NCKAP5: variants seen among roughly 807,000 people sequenced by gnomAD.
The protein encoded by NCKAP5 is nck-associated protein 5.
A neutral mutation model predicts 167.0 loss-of-function variants in NCKAP5; 92 were observed. The ratio of observed to expected loss-of-function variants is 0.55; its 90% confidence interval spans 0.47 to 0.66. The LOEUF is 0.66. Among genes scored for constraint, NCKAP5 ranks in the 30% least tolerant of loss-of-function variants. The probability of loss-of-function intolerance (pLI) is 0.00; values close to 1 mark genes in which losing one functional copy is unlikely to be tolerated. For missense variants in NCKAP5, 2,378 were observed against 2,315.0 expected (o/e 1.03, Z -0.56); for synonymous variants, 891 against 877.4 (o/e 1.02, Z -0.27).
intron 2 of NCKAP5, among the ~76,000 whole-genome samples, chr2:133,533,692 A>G (rs930055241): frequency 7.9e-5 from 12 of 152,242 alleles, no homozygotes; most frequent in East Asian, 7.7e-4. Context: ...AGCAATTATC[A>G]TAAGTTATAG....
chr2:132,935,024 T>C (rs1053124168), intron 8 of NCKAP5, among the ~76,000 whole-genome samples: 1 of 152,200 alleles, frequency 6.6e-6, no homozygotes, highest in Non-Finnish European at 1.5e-5. Flanking sequence ...AATCAGTACA[T>C]GGCTTTTTTC....
intron 11 of NCKAP5, among the ~76,000 whole-genome samples, chr2:132,828,876 C>T (rs1687320391): frequency 1.3e-5 from 2 of 152,132 alleles, no homozygotes; most frequent in Admixed American, 6.5e-5. Flanking sequence ...CCCAATACAC[C>T]CATTGCCTTC....
At chr2:132,957,944 T>C (rs2076390857) in intron 8 of NCKAP5, among the ~76,000 whole-genome samples, 1 of 152,212 alleles carries the variant, frequency 6.6e-6, no homozygotes, top group Non-Finnish European at 1.5e-5. Flanking sequence ...TACACGGCTC[T>C]CTATACTCCG....
At chr2:132,837,990 A>C (rs902213288) in intron 11 of NCKAP5, among the ~76,000 whole-genome samples, 1 of 152,176 alleles carries the variant, frequency 6.6e-6, no homozygotes, top group African/African-American at 2.4e-5. Flanking sequence ...GGGCAGCATG[A>C]ATACTTAAGC....
intron 3 of NCKAP5, among the ~76,000 whole-genome samples, chr2:133,408,358 T>C (rs993630408): frequency 1.3e-5 from 2 of 152,198 alleles, no homozygotes; most frequent in Non-Finnish European, 2.9e-5. Flanking sequence ...ATATGTTTTT[T>C]CAACTCTCTC....
intron 5 of NCKAP5, among the ~76,000 whole-genome samples, chr2:133,165,897 A>G (rs2083979813): frequency 6.6e-6 from 1 of 152,206 alleles, no homozygotes; most frequent in African/African-American, 2.4e-5. Context: ...TACAAAGATT[A>G]TATTATTTTT....
intron 7 of NCKAP5, among the ~76,000 whole-genome samples, chr2:132,965,668 A>G (rs979922594): frequency 1.3e-5 from 2 of 152,182 alleles, no homozygotes; most frequent in African/African-American, 4.8e-5. Flanking sequence ...TTGTGTAAAC[A>G]TCATAGAGTG....
At chr2:132,743,738 T>C (rs1254639893) in intron 16 of NCKAP5, among the ~76,000 whole-genome samples, 1 of 151,628 alleles carries the variant, frequency 6.6e-6, no homozygotes, top group Non-Finnish European at 1.5e-5. Context: ...AGGCTGAGAT[T>C]GTCAGATTGG....
At chr2:133,478,309 C>T (rs13423251) in intron 3 of NCKAP5, among the ~76,000 whole-genome samples, 31,355 of 152,090 alleles carry the variant, frequency 0.21, 5,251 homozygotes, top group African/African-American at 0.46. Context: ...TTTCTTTGCA[C>T]TTTTCCTAGC....
Position 132,773,886 on chromosome 2 carries a change from C to G in NCKAP5, c.5058G>C (p.Glu1686Asp). ...CATCCTCTTGCAAGTTTTCATTTGC[C>G]TCTTTTACCTGCAGGAAGAAGAAAA... ...MEVPKDSLVK[E>D]ANENLQEDED... Residue 1686 changes from glutamate (E) to aspartate (D), a missense_variant, in exon 16 of 20, where the codon GAG (glutamate) becomes GAC (aspartate). Glu to Asp is a conservative substitution (Grantham distance 45). Around this residue, in one of 3 missense-constraint regions of NCKAP5, gnomAD observed 1,325 missense variants for 1,274.5 expected, o/e 1.04. Transcript: ENST00000409261. 1.2e-6 allele frequency: 2 copies of G among 1,608,496 alleles called. No individual in the cohort carries two copies. The highest frequency in any genetic ancestry group is 1.7e-6 in the Non-Finnish European group (2 of 1,178,356).
intron 3 of NCKAP5, among the ~76,000 whole-genome samples, chr2:133,362,393 G>A (rs1256519880): frequency 6.6e-6 from 1 of 152,142 alleles, no homozygotes; most frequent in Non-Finnish European, 1.5e-5. Flanking sequence ...AAGTTTGCTG[G>A]CAAACTCTGG....
intron 3 of NCKAP5, among the ~76,000 whole-genome samples, chr2:133,309,740 A>G (rs2150605103): frequency 6.6e-6 from 1 of 152,324 alleles, no homozygotes; most frequent in Non-Finnish European, 1.5e-5. Flanking sequence ...TTTAATGTGA[A>G]TCTCCTATTG....
chr2:133,044,492 T>C (rs2079324199), intron 6 of NCKAP5, among the ~76,000 whole-genome samples: 1 of 152,170 alleles, frequency 6.6e-6, no homozygotes, highest in South Asian at 2.1e-4. Context: ...GTCAGCTCCA[T>C]TTAATGTGTA....
At chr2:132,692,154 A>ATTTTATTTTATTTTT (rs1553472635) in intron 19 of NCKAP5, among the ~76,000 whole-genome samples, 2,433 of 141,792 alleles carry the variant, frequency 0.017, 108 homozygotes, top group African/African-American at 0.064. Context: ...ATTTTATTTT[A>ATTTTATTTTATTTTT]TTTTTTGAGA....
chr2:133,358,760 T>C (rs1684904957), intron 3 of NCKAP5, among the ~76,000 whole-genome samples: 1 of 152,190 alleles, frequency 6.6e-6, no homozygotes, highest in Admixed American at 6.5e-5. Context: ...ACACTATAAA[T>C]GGCTGTTAAC....
At chr2:133,567,335 G>A (rs1023298058) in intron 1 of NCKAP5, among the ~76,000 whole-genome samples, 1 of 152,158 alleles carries the variant, frequency 6.6e-6, no homozygotes, top group Non-Finnish European at 1.5e-5. Context: ...CGGGCCAGCC[G>A]GTGCAGGTGG....
At chr2:133,006,711 G>T (rs1192660402) in intron 6 of NCKAP5, among the ~76,000 whole-genome samples, 1 of 152,090 alleles carries the variant, frequency 6.6e-6, no homozygotes, top group Non-Finnish European at 1.5e-5. Context: ...GTCCAAAGCA[G>T]CACAGTAAGT....
intron 11 of NCKAP5, among the ~76,000 whole-genome samples, chr2:132,816,584 G>A (rs1273514209): frequency 6.6e-6 from 1 of 152,116 alleles, no homozygotes; most frequent in Admixed American, 6.5e-5. Context: ...ATGGCCTCCT[G>A]TGATGGTGAG....
chr2:132,896,639 G>T (rs1229791660), intron 8 of NCKAP5, among the ~76,000 whole-genome samples: 1 of 152,154 alleles, frequency 6.6e-6, no homozygotes, highest in Non-Finnish European at 1.5e-5. Context: ...TTTATTAAAA[G>T]ATTTTTCTGT....
Sources: gnomAD v4.1 joint callset for allele counts (sites outside exome capture counted in the v4.1 genomes callset) on GRCh38, gnomAD v4.1.1 for gene constraint, gnomAD v4.1.1 regional missense constraint, MANE v1.5 for transcripts, NCBI Gene and HGNC (gene_info 2026-07-23, HGNC 2026-07-21) for gene names.